SERPINA10: variants seen among roughly 807,000 people sequenced by gnomAD.
SERPINA10 encodes protein Z-dependent protease inhibitor.
Under a neutral mutation model 28.0 loss-of-function variants are expected in SERPINA10, and 24 were observed. The observed-to-expected ratio is 0.86, with a 90% CI of 0.62 to 1.20. The LOEUF is 1.20. Ranked by LOEUF, SERPINA10 falls within the 50% of genes most tolerant of loss-of-function variation. The pLI is 0.00. For synonymous variants in SERPINA10, 207 were observed against 203.9 expected, an observed-to-expected ratio of 1.02 and a Z score of -0.13; for missense variants, 521 against 537.7, an observed-to-expected ratio of 0.97 and a Z score of 0.31.
At chr14:94,289,774 G>A in intron 2 of SERPINA10, 102 bp downstream of exon 2, 1 of 1,282,528 alleles carries the variant, frequency 7.8e-7, no homozygotes, top group Non-Finnish European at 1.1e-6. Context: ...CACATTCATA[G>A]AAAATCACGT....
At chr14:94,284,517 A>G (rs1159090425) in intron 4 of SERPINA10, among the ~76,000 whole-genome samples, 1 of 152,156 alleles carries the variant, frequency 6.6e-6, no homozygotes, top group African/African-American at 2.4e-5. Flanking sequence ...AGCTGCCTGG[A>G]TCCCTTGATC....
intron 4 of SERPINA10, among the ~76,000 whole-genome samples, chr14:94,285,505 G>GTA (rs904823927): frequency 8.5e-4 from 127 of 150,270 alleles, no homozygotes; most frequent in African/African-American, 2.8e-3. Context: ...ATATGTGTGT[G>GTA]TATATATATA....
chr14:94,290,789 A>G (rs947757555), intron 1 of SERPINA10, 146 bp from the exon 2 acceptor site: 5 of 827,380 alleles, frequency 6.0e-6, no homozygotes, highest in African/African-American at 5.1e-5. Context: ...AGTGTGGGTG[A>G]CATTTGCTCA....
At chr14:94,284,972 TTTCA>T (rs1894984998) in intron 4 of SERPINA10, among the ~76,000 whole-genome samples, 2 of 152,192 alleles carry the variant, frequency 1.3e-5, no homozygotes, top group Non-Finnish European at 2.9e-5. Context: ...GCAGAAACAC[TTTCA>T]GGTGCTGGTC....
rs2232696 is a variant in SERPINA10 at position 94,290,533 on chromosome 14, C to G, written c.61G>C (p.Gly21Arg). The G allele has an allele frequency of 6.2e-7, 1 of 1,612,816 alleles. No individual in the cohort carries two copies. The highest frequency in any genetic ancestry group is 1.1e-5 in the South Asian group (1 of 90,828). ...GGCGACTGAGGACTGGGGGCCAAGC[C>G]GGGTACCAGCCACACCTGTGCCAGG... Reference protein sequence around the residue: ...VLLAQVWLVPGLAPSPQSPET... With the variant: ...VLLAQVWLVPRLAPSPQSPET... The change falls in exon 2 of 5, where the codon GGC becomes CGC. Residue 21 changes from glycine to arginine, a missense_variant. Transcript: ENST00000261994.
At chr14:94,291,124 C>G (rs1214348921) in intron 1 of SERPINA10, among the ~76,000 whole-genome samples, 15 of 152,190 alleles carry the variant, frequency 9.9e-5, no homozygotes, top group Admixed American at 3.9e-4. Flanking sequence ...CCTGCATGCC[C>G]GTTAGGCAAG....
intron 1 of SERPINA10, among the ~76,000 whole-genome samples, chr14:94,291,727 C>T (rs1048336171): frequency 6.6e-6 from 1 of 152,196 alleles, no homozygotes; most frequent in East Asian, 1.9e-4. Context: ...CAGCAGAGAC[C>T]CTTATTCTTG....
chr14:94,287,463 C>T (rs970755963), intron 3 of SERPINA10, among the ~76,000 whole-genome samples: 13 of 152,234 alleles, frequency 8.5e-5, no homozygotes, highest in Non-Finnish European at 1.6e-4. Context: ...ACCACTTCCA[C>T]TACCACCACC....
At chr14:94,291,773 G>A (rs1360032342) in intron 1 of SERPINA10, among the ~76,000 whole-genome samples, 1 of 152,206 alleles carries the variant, frequency 6.6e-6, no homozygotes, top group Non-Finnish European at 1.5e-5. Flanking sequence ...ATTGACAGGC[G>A]GTGCTGCCAG....
At chr14:94,292,449 C>G (rs938727818) in intron 1 of SERPINA10, among the ~76,000 whole-genome samples, 1 of 152,004 alleles carries the variant, frequency 6.6e-6, no homozygotes, top group African/African-American at 2.4e-5. Flanking sequence ...GTTAGAGGAG[C>G]CTGAGCTAAA....
rs568031529 is a variant in SERPINA10, at chr14:94,285,319, A to G, written c.1143+789T>C. On this transcript the variant is annotated intron_variant, in intron 4 of 4. Coordinates refer to ENST00000261994, the MANE Select transcript of SERPINA10 (RefSeq NM_001100607.3). ...ACAAGCAGTTCCCCTCAAAACCAAG[A>G]ACCCTTCCACTGAGAAACACTGAGT... Among the ~76,000 whole-genome samples the G allele has an allele frequency of 5.2e-4, 79 of 152,210 alleles. 1 individual carries two copies. Among genetic ancestry groups the G allele is most frequent in the African/African-American group, 1.8e-3 (74 of 41,536 alleles).
intron 1 of SERPINA10, 119 bp from the exon 2 acceptor site, chr14:94,290,762 C>T (rs1208072063): frequency 9.0e-7 from 1 of 1,107,714 alleles, no homozygotes; most frequent in South Asian, 1.5e-5. Flanking sequence ...AGCCCTGCCC[C>T]AGGGAGACCT....
At chr14:94,285,505 GTATA>G (rs904823927) in intron 4 of SERPINA10, among the ~76,000 whole-genome samples, 1 of 150,174 alleles carries the variant, frequency 6.7e-6, no homozygotes, top group Non-Finnish European at 1.5e-5. Context: ...ATATGTGTGT[GTATA>G]TATATATACA....
chr14:94,291,362 C>T lies in SERPINA10; in HGVS notation c.-50-719G>A, dbSNP rs181226979. Among the ~76,000 whole-genome samples, 117 of 152,298 alleles carry T rather than the reference C, an allele frequency of 7.7e-4. 1 individual carries two copies. Among genetic ancestry groups the T allele is most frequent in the African/African-American group, 2.7e-3 (113 of 41,558 alleles). The stretch of plus-strand genomic sequence containing the variant: ...GGGCTGCATGCCGGTTCTCACTGTC[C>T]TAGGCTGCAGTGTGGGAGCTACACT... On this transcript the variant is annotated intron_variant, in intron 1 of 4. Coordinates refer to ENST00000261994, the MANE Select transcript of SERPINA10 (RefSeq NM_001100607.3).
At chr14:94,286,905 A>T (rs1895038283) in intron 3 of SERPINA10, among the ~76,000 whole-genome samples, 1 of 152,220 alleles carries the variant, frequency 6.6e-6, no homozygotes, top group Non-Finnish European at 1.5e-5. Flanking sequence ...TGCTAAAGAT[A>T]TGAAGAAAAA....
At chr14:94,284,919 C>G (rs1011934886) in intron 4 of SERPINA10, among the ~76,000 whole-genome samples, 1 of 152,098 alleles carries the variant, frequency 6.6e-6, no homozygotes, top group Non-Finnish European at 1.5e-5. Context: ...CATGATGACC[C>G]TTCATAAAGC....
intron 4 of SERPINA10, among the ~76,000 whole-genome samples, chr14:94,284,408 G>A (rs1894972900): frequency 6.6e-6 from 1 of 152,154 alleles, no homozygotes; most frequent in Admixed American, 6.5e-5. Context: ...ACACATTCCG[G>A]GCATGGACTC....
intron 3 of SERPINA10, among the ~76,000 whole-genome samples, 161 bp downstream of exon 3, chr14:94,288,125 C>T (rs180778807): frequency 1.1e-4 from 16 of 152,262 alleles, no homozygotes; most frequent in Admixed American, 7.2e-4. Flanking sequence ...GTGACAGATG[C>T]TGGGGATAGA....
chr14:94,284,265 C>CACTAAATCCCAGGAGCA, intron 4 of SERPINA10, 109 bp from the exon 5 acceptor site: 3 of 1,022,724 alleles, frequency 2.9e-6, no homozygotes, highest in Non-Finnish European at 4.4e-6. Flanking sequence ...GGTCATGCTC[C>CACTAAATCCCAGGAGCA]TGGGATTTAG....
Sources: gnomAD v4.1 joint callset for allele counts (sites outside exome capture counted in the v4.1 genomes callset) on GRCh38, gnomAD v4.1.1 for gene constraint, MANE v1.5 for transcripts, NCBI Gene and HGNC (gene_info 2026-07-23, HGNC 2026-07-21) for gene names.